KSR1: variants seen among roughly 807,000 people sequenced by gnomAD.
KSR1 encodes kinase suppressor of ras 1.
A neutral mutation model predicts 92.9 loss-of-function variants in KSR1; 35 were observed. The observed-to-expected ratio is 0.38, with a 90% confidence interval of 0.29 to 0.50. The LOEUF (loss-of-function observed/expected upper bound fraction) is 0.50. KSR1 is among the 20% of genes least tolerant of loss of function. The pLI, the probability that KSR1 is intolerant of heterozygous loss-of-function variation, is 0.94. For synonymous variants in KSR1, 467 were observed against 472.6 expected (o/e 0.99, Z 0.15); for missense variants, 972 against 1,158.5 (o/e 0.84, Z 2.34).
At chr17:27,461,334 G>A (rs1175691079) in intron 1 of KSR1, among the ~76,000 whole-genome samples, 1 of 152,178 alleles carries the variant, frequency 6.6e-6, no homozygotes, top group Non-Finnish European at 1.5e-5. Flanking sequence ...ACCCACCTTG[G>A]CCTCCCAAAG....
intron 1 of KSR1, among the ~76,000 whole-genome samples, chr17:27,458,040 T>G (rs1040766735): frequency 6.6e-6 from 1 of 151,888 alleles, no homozygotes; most frequent in Non-Finnish European, 1.5e-5. Context: ...TTCCAAATGC[T>G]CGGGGGTGAC....
intron 2 of KSR1, among the ~76,000 whole-genome samples, chr17:27,571,448 CCTT>C (rs1411610659): frequency 2.0e-5 from 3 of 152,252 alleles, no homozygotes; most frequent in Admixed American, 1.3e-4. Context: ...GCCATAGAAA[CCTT>C]CTCCACTTGC....
At chr17:27,566,089 T>TG (rs996839839) in intron 2 of KSR1, among the ~76,000 whole-genome samples, 4 of 151,750 alleles carry the variant, frequency 2.6e-5, no homozygotes, top group Non-Finnish European at 5.9e-5. Context: ...CATGTGGGGG[T>TG]GGGGGTTCCC....
chr17:27,504,241 G>C (rs1041634953), intron 1 of KSR1, among the ~76,000 whole-genome samples: 3 of 152,170 alleles, frequency 2.0e-5, no homozygotes, highest in Non-Finnish European at 4.4e-5. Context: ...CAGCAGCTGT[G>C]CCCAGCCTGG....
At chr17:27,477,924 G>T (rs2068394039) in intron 1 of KSR1, among the ~76,000 whole-genome samples, 1 of 152,016 alleles carries the variant, frequency 6.6e-6, no homozygotes, top group Non-Finnish European at 1.5e-5. Context: ...TGTTGCCCAG[G>T]CTGGTCTTGA....
Position 27,607,939 on chromosome 17 carries a change from T to C in KSR1, c.2020T>C (p.Ser674Pro), listed in dbSNP as rs1189221320. ...CTTCTGCAAGGGGCGGACGTTGCACTCGTTTGTGAGGGACCCCAAGACGTC... is the reference window on the plus strand; with the variant it reads ...CTTCTGCAAGGGGCGGACGTTGCACCCGTTTGTGAGGGACCCCAAGACGTC... Reference protein sequence around the residue: ...TSFCKGRTLHSFVRDPKTSLD... With the variant: ...TSFCKGRTLHPFVRDPKTSLD... The change falls in exon 15 of 21, where the codon TCG (serine) becomes CCG (proline). Residue 674 changes from serine (S) to proline (P), a missense_variant. Ser to Pro is a moderately conservative substitution (Grantham distance 74, BLOSUM62 -1). Coordinates refer to ENST00000644974, the MANE Select transcript of KSR1 (RefSeq NM_001394583.1). 1 of 1,609,894 alleles carries C rather than the reference T, an allele frequency of 6.2e-7. No homozygotes were observed. The highest frequency in any genetic ancestry group is 8.5e-7 in the Non-Finnish European group (1 of 1,178,182).
chr17:27,574,539 G>A (rs543023934), intron 2 of KSR1, among the ~76,000 whole-genome samples: 18 of 152,282 alleles, frequency 1.2e-4, no homozygotes, highest in South Asian at 1.0e-3. Context: ...AGCATCTGCC[G>A]TCAGCGGGTA....
chr17:27,583,248 C>T (rs1322547960), intron 4 of KSR1, 143 bp downstream of exon 4: 8 of 622,830 alleles, frequency 1.3e-5, no homozygotes, highest in Non-Finnish European at 1.9e-5. Context: ...TCAGTCCATT[C>T]CTCAGACTAC....
At chr17:27,478,153 G>C (rs2068401009) in intron 1 of KSR1, among the ~76,000 whole-genome samples, 1 of 152,234 alleles carries the variant, frequency 6.6e-6, no homozygotes. Context: ...CACACAGTAA[G>C]TGCTGAGGAA....
At chr17:27,622,526 A>G (rs900910684) in intron 20 of KSR1, 2 of 152,674 alleles carry the variant, frequency 1.3e-5, no homozygotes, top group African/African-American at 4.8e-5. Flanking sequence ...AGATCAGAAG[A>G]CACAGAAAGT....
intron 1 of KSR1, among the ~76,000 whole-genome samples, chr17:27,522,814 C>T (rs990019217): frequency 6.6e-6 from 1 of 152,194 alleles, no homozygotes; most frequent in Non-Finnish European, 1.5e-5. Flanking sequence ...ATGCTGGCTG[C>T]CCAGCTAGGT....
At chr17:27,603,157 G>C (rs2073626500) in intron 11 of KSR1, among the ~76,000 whole-genome samples, 1 of 152,220 alleles carries the variant, frequency 6.6e-6, no homozygotes, top group African/African-American at 2.4e-5. Context: ...CCTGGACGTG[G>C]GACTTTTAGC....
chr17:27,619,617 C>A (rs530805368), intron 19 of KSR1, among the ~76,000 whole-genome samples: 1 of 151,894 alleles, frequency 6.6e-6, no homozygotes, highest in African/African-American at 2.4e-5. Flanking sequence ...AGGCTGGTCT[C>A]GAACTCCTGA....
intron 1 of KSR1, chr17:27,527,321 A>G (rs117054138): frequency 0.051 from 8,344 of 164,812 alleles, 304 homozygotes; most frequent in Middle Eastern, 0.085. Context: ...GGTCAAGGCT[A>G]CAGTGAGCCA....
chr17:27,606,656 GTAAA>G (rs1162706906), intron 14 of KSR1, among the ~76,000 whole-genome samples: 1 of 152,100 alleles, frequency 6.6e-6, no homozygotes, highest in African/African-American at 2.4e-5. Flanking sequence ...TTCCTGTGGT[GTAAA>G]TACTCTCACC....
At chr17:27,593,485 C>A (rs969031112) in intron 9 of KSR1, among the ~76,000 whole-genome samples, 4 of 152,216 alleles carry the variant, frequency 2.6e-5, no homozygotes, top group Non-Finnish European at 4.4e-5. Flanking sequence ...CTGTGGCTGG[C>A]CATGTGGCTC....
intron 20 of KSR1, chr17:27,621,828 C>T (rs1166879285): frequency 2.5e-6 from 3 of 1,182,664 alleles, no homozygotes. Flanking sequence ...AAGGGAGTCC[C>T]CTGCCCAGCT....
chr17:27,533,964 CGT>C (rs60306092), intron 1 of KSR1, among the ~76,000 whole-genome samples: 1 of 151,622 alleles, frequency 6.6e-6, no homozygotes, highest in East Asian at 1.9e-4. Context: ...CGTGTGCGCA[CGT>C]GTGTGTGTGT....
chr17:27,500,816 G>C (rs560038243), intron 1 of KSR1, among the ~76,000 whole-genome samples: 3 of 152,302 alleles, frequency 2.0e-5, no homozygotes, highest in African/African-American at 7.2e-5. Flanking sequence ...CGGGGGCAAA[G>C]GGTGCTGCTG....
Sources: gnomAD v4.1 joint callset for allele counts (sites outside exome capture counted in the v4.1 genomes callset) on GRCh38, gnomAD v4.1.1 for gene constraint, MANE v1.5 for transcripts, NCBI Gene and HGNC (gene_info 2026-07-23, HGNC 2026-07-21) for gene names.